CAMTA1: variants seen among roughly 807,000 people sequenced by gnomAD.
The protein encoded by CAMTA1 is calmodulin-binding transcription activator 1.
A neutral mutation model predicts 170.9 loss-of-function variants in CAMTA1; 27 were observed. The observed-to-expected ratio is 0.16, with a 90% CI of 0.12 to 0.22. The LOEUF (loss-of-function observed/expected upper bound fraction) is 0.22. CAMTA1 is among the 10% of genes least tolerant of loss of function. CAMTA1 has a pLI of 1.00. For missense variants in CAMTA1, 1,619 were observed against 2,217.2 expected (o/e 0.73, Z 5.42); for synonymous variants, 833 against 891.5 (o/e 0.93, Z 1.17).
At chr1:7,380,973 A>G (rs539412336) in intron 5 of CAMTA1, among the ~76,000 whole-genome samples, 65 of 152,274 alleles carry the variant, frequency 4.3e-4, no homozygotes, top group Non-Finnish European at 8.1e-4. Flanking sequence ...TTTTATCATA[A>G]TGCCCTAAGG....
At chr1:6,867,732 G>T (rs943753671) in intron 3 of CAMTA1, among the ~76,000 whole-genome samples, 8 of 152,142 alleles carry the variant, frequency 5.3e-5, no homozygotes, top group South Asian at 2.1e-4. Context: ...TGGCATGCTG[G>T]TGATTGATTT....
At chr1:7,027,543 G>A (rs1399210540) in intron 3 of CAMTA1, among the ~76,000 whole-genome samples, 1 of 152,192 alleles carries the variant, frequency 6.6e-6, no homozygotes, top group South Asian at 2.1e-4. Context: ...TCAGCTTGGT[G>A]TTTTTGGTGG....
At chr1:7,464,687 C>G (rs983870046) in intron 5 of CAMTA1, among the ~76,000 whole-genome samples, 6 of 152,150 alleles carry the variant, frequency 3.9e-5, no homozygotes, top group African/African-American at 1.4e-4. Context: ...ATCCTTAAAG[C>G]TTTTGCAGCC....
intron 9 of CAMTA1, among the ~76,000 whole-genome samples, chr1:7,670,492 T>C (rs2096049846): frequency 6.6e-6 from 1 of 152,074 alleles, no homozygotes; most frequent in African/African-American, 2.4e-5. Context: ...AAACTTGGAG[T>C]TCCCTCAGTC....
chr1:7,462,117 G>T (rs1310728721), intron 5 of CAMTA1, among the ~76,000 whole-genome samples: 1 of 152,152 alleles, frequency 6.6e-6, no homozygotes, highest in Non-Finnish European at 1.5e-5. Flanking sequence ...GCCAAATCCG[G>T]CCCACTACCT....
intron 6 of CAMTA1, among the ~76,000 whole-genome samples, chr1:7,502,582 C>G (rs900250377): frequency 6.6e-6 from 1 of 152,146 alleles, no homozygotes; most frequent in African/African-American, 2.4e-5. Context: ...CTTCAGCCCC[C>G]GGCTTTCCCA....
At chr1:7,054,038 C>A (rs1401061053) in intron 3 of CAMTA1, among the ~76,000 whole-genome samples, 1 of 152,202 alleles carries the variant, frequency 6.6e-6, no homozygotes, top group African/African-American at 2.4e-5. Context: ...CTGTGGGTAA[C>A]CCTGTCACCA....
At chr1:7,494,528 G>C (rs919667071) in intron 6 of CAMTA1, among the ~76,000 whole-genome samples, 17 of 152,164 alleles carry the variant, frequency 1.1e-4, no homozygotes, top group African/African-American at 4.1e-4. Context: ...GAGGGGCCGG[G>C]TGCGGTGGCT....
chr1:7,621,982 A>G (rs929015204), intron 6 of CAMTA1, among the ~76,000 whole-genome samples: 1 of 152,234 alleles, frequency 6.6e-6, no homozygotes, highest in African/African-American at 2.4e-5. Flanking sequence ...AATCCCGTCA[A>G]GTCTTTGGTT....
At chr1:7,579,784 T>C (rs1246711201) in intron 6 of CAMTA1, among the ~76,000 whole-genome samples, 1 of 152,124 alleles carries the variant, frequency 6.6e-6, no homozygotes, top group Non-Finnish European at 1.5e-5. Context: ...GGTCTCGAAC[T>C]CCTGACCTCA....
intron 5 of CAMTA1, among the ~76,000 whole-genome samples, chr1:7,266,195 G>A (rs533025623): frequency 4.7e-5 from 7 of 149,074 alleles, no homozygotes; most frequent in South Asian, 2.1e-4. Flanking sequence ...GAGCGGGGGC[G>A]TGCTTGGCAG....
intron 6 of CAMTA1, among the ~76,000 whole-genome samples, chr1:7,483,604 C>A (rs929900945): frequency 1.3e-5 from 2 of 152,178 alleles, no homozygotes; most frequent in Non-Finnish European, 2.9e-5. Flanking sequence ...GAGGATTCCC[C>A]CTTGACCTCA....
chr1:7,311,388 A>G (rs557618813), intron 5 of CAMTA1, among the ~76,000 whole-genome samples: 2 of 152,048 alleles, frequency 1.3e-5, no homozygotes, highest in Admixed American at 6.5e-5. Context: ...TCTGTAGCCC[A>G]CTCAGTGAGT....
At chr1:6,943,363 C>T (rs1687007516) in intron 3 of CAMTA1, among the ~76,000 whole-genome samples, 1 of 151,992 alleles carries the variant, frequency 6.6e-6, no homozygotes, top group Non-Finnish European at 1.5e-5. Context: ...ATTGAGGGTC[C>T]CTGTGGCAGA....
At chr1:7,595,501 C>T (rs1205769421) in intron 6 of CAMTA1, among the ~76,000 whole-genome samples, 2 of 152,214 alleles carry the variant, frequency 1.3e-5, no homozygotes, top group African/African-American at 2.4e-5. Context: ...TTTCCTCCCG[C>T]GGCTCTGCTG....
At chr1:7,399,951 G>A (rs2089761745) in intron 5 of CAMTA1, among the ~76,000 whole-genome samples, 1 of 152,148 alleles carries the variant, frequency 6.6e-6, no homozygotes, top group Non-Finnish European at 1.5e-5. Flanking sequence ...TCCTTGGAGA[G>A]GACCTCTTTG....
rs1013872984 is a variant in CAMTA1, at chr1:7,569,104, GTCA to G, written c.511-71289_511-71287del. Among the ~76,000 whole-genome samples, 17 of 141,280 alleles carry G rather than the reference GTCA, an allele frequency of 1.2e-4. 1 individual carries two copies. The highest frequency in any genetic ancestry group is 4.5e-4 in the East Asian group (2 of 4,472). The allele number at this position is 141,280 out of a possible 152,430, so 92.7% of individuals were successfully genotyped here. On this transcript the variant is annotated intron_variant, in intron 6 of 22. Transcript: ENST00000303635. ...CATCAACATCACCATCATCATCAGT[GTCA>G]TCATCACCACCATCACCATCTCCAT...
At chr1:6,907,684 C>T (rs1456533939) in intron 3 of CAMTA1, among the ~76,000 whole-genome samples, 1 of 152,162 alleles carries the variant, frequency 6.6e-6, no homozygotes, top group East Asian at 1.9e-4. Flanking sequence ...GGCCAGCCTG[C>T]CCAGGGCGTA....
intron 6 of CAMTA1, among the ~76,000 whole-genome samples, chr1:7,599,347 G>T (rs2095423495): frequency 6.6e-6 from 1 of 152,174 alleles, no homozygotes; most frequent in Admixed American, 6.5e-5. Context: ...CTGTAGCCTT[G>T]TAGTATAGTT....
Sources: allele counts gnomAD v4.1 joint callset (sites outside exome capture counted in the v4.1 genomes callset), GRCh38; gene constraint gnomAD v4.1.1; transcripts MANE v1.5; gene names NCBI Gene and HGNC (gene_info 2026-07-23, HGNC 2026-07-21).